SRPK2: variants seen among roughly 807,000 people sequenced by gnomAD.
SRPK2 encodes the protein SFRS protein kinase 2.
Under a neutral mutation model 90.8 loss-of-function variants are expected in SRPK2, and 21 were observed. The ratio of observed to expected loss-of-function variants is 0.23; its 90% confidence interval spans 0.16 to 0.33. The LOEUF is 0.33. Among genes scored for constraint, SRPK2 ranks in the 10% least tolerant of loss-of-function variants. SRPK2 has a pLI of 1.00. For missense variants in SRPK2, 620 were observed against 869.0 expected (o/e 0.71, Z 3.60); for synonymous variants, 288 against 311.1 (o/e 0.93, Z 0.78).
chr7:105,145,818 G>A (rs1005280840), intron 8 of SRPK2, among the ~76,000 whole-genome samples: 8 of 152,166 alleles, frequency 5.3e-5, no homozygotes, highest in African/African-American at 9.7e-5. Flanking sequence ...AACAGGCTGG[G>A]TCCATGATCT....
chr7:105,181,203 A>C (rs1792748448), intron 3 of SRPK2, among the ~76,000 whole-genome samples: 1 of 152,240 alleles, frequency 6.6e-6, no homozygotes, highest in Non-Finnish European at 1.5e-5. Flanking sequence ...GCTACTAAAA[A>C]GTCACAAAAT....
intron 3 of SRPK2, among the ~76,000 whole-genome samples, chr7:105,186,723 T>C (rs1393722601): frequency 1.3e-5 from 2 of 152,144 alleles, no homozygotes; most frequent in Non-Finnish European, 2.9e-5. Context: ...AAAAAGAATA[T>C]AGTGGATGAG....
chr7:105,278,968 T>C (rs998535718), intron 2 of SRPK2, among the ~76,000 whole-genome samples: 1 of 152,170 alleles, frequency 6.6e-6, no homozygotes, highest in African/African-American at 2.4e-5. Context: ...TAAAAATAAG[T>C]ACATATTTTC....
chr7:105,292,184 T>C (rs1563201367), intron 2 of SRPK2, among the ~76,000 whole-genome samples: 2 of 152,188 alleles, frequency 1.3e-5, no homozygotes, highest in South Asian at 2.1e-4. Context: ...ATTTAAGCCA[T>C]CCTAAATTGA....
chr7:105,219,697 A>G (rs1183295740), intron 2 of SRPK2, among the ~76,000 whole-genome samples: 1 of 152,226 alleles, frequency 6.6e-6, no homozygotes, highest in East Asian at 1.9e-4. Flanking sequence ...GTATATGCCT[A>G]ATGCTTGGTA....
intron 14 of SRPK2, 118 bp from the exon 15 acceptor site, chr7:105,126,458 G>A: frequency 1.3e-6 from 1 of 747,954 alleles, no homozygotes; most frequent in Non-Finnish European, 2.2e-6. Context: ...AATCAACAGT[G>A]TCTGCAGCAC....
chr7:105,220,854 T>C (rs1798011862), intron 2 of SRPK2, among the ~76,000 whole-genome samples: 1 of 152,308 alleles, frequency 6.6e-6, no homozygotes, highest in African/African-American at 2.4e-5. Context: ...GTTTAAAATG[T>C]TTTAAAGGTT....
intron 1 of SRPK2, among the ~76,000 whole-genome samples, chr7:105,395,445 G>C (rs1037932066): frequency 6.6e-6 from 1 of 151,548 alleles, no homozygotes; most frequent in Non-Finnish European, 1.5e-5. Flanking sequence ...AGAACTTAAA[G>C]CTGGCTGGGC....
At chr7:105,272,635 C>T (rs1805969852) in intron 2 of SRPK2, among the ~76,000 whole-genome samples, 1 of 152,064 alleles carries the variant, frequency 6.6e-6, no homozygotes, top group Non-Finnish European at 1.5e-5. Context: ...CTCACTGATC[C>T]TTCTGTCTAC....
At chr7:105,144,103 G>C (rs1433577573) in intron 9 of SRPK2, 1 of 152,316 alleles carries the variant, frequency 6.6e-6, no homozygotes, top group Non-Finnish European at 1.5e-5. Flanking sequence ...CTTTGAGACA[G>C]AGTCTCTGTT....
chr7:105,326,196 T>C (rs1241955229), intron 2 of SRPK2, among the ~76,000 whole-genome samples: 1 of 152,172 alleles, frequency 6.6e-6, no homozygotes, highest in Non-Finnish European at 1.5e-5. Flanking sequence ...TCTCCTCTAC[T>C]AAGACCACCT....
rs1799658222 is a variant in SRPK2, at chr7:105,116,684, A to T, written c.*1154T>A. On this transcript the variant is annotated 3_prime_UTR_variant, in exon 16 of 16. Transcript: ENST00000393651. ...ATTAATTTTAAGGAAATGCATAAACAAAACTGTGTGCAACCTGCAAAGGGA... is the reference window on the plus strand; with the variant it reads ...ATTAATTTTAAGGAAATGCATAAACTAAACTGTGTGCAACCTGCAAAGGGA... The T allele has an allele frequency of 6.6e-6, 1 of 152,662 alleles. No individual in the cohort carries two copies. The allele number at this position is 152,662 out of a possible 1,614,324, so 9.5% of individuals were successfully genotyped here.
chr7:105,346,519 G>T (rs1474137511), intron 2 of SRPK2, among the ~76,000 whole-genome samples: 1 of 152,034 alleles, frequency 6.6e-6, no homozygotes, highest in African/African-American at 2.4e-5. Context: ...ACTTTAGGAG[G>T]GCAAGGCGGG....
chr7:105,301,747 T>C lies in SRPK2; in HGVS notation c.71+86901A>G, dbSNP rs1291761894. The C allele has an allele frequency of 1.9e-6, 3 of 1,600,844 alleles. No individual in the cohort carries two copies. In the African/African-American group the frequency reaches 4.0e-5, roughly 21 times the overall value. Reference sequence around the variant, plus strand: ...TTTAACAACACCGTATCATCAGCTGTAAAGCAGAGTATATTAGCCAAGTTA... The same window carrying C: ...TTTAACAACACCGTATCATCAGCTGCAAAGCAGAGTATATTAGCCAAGTTA... On this transcript the variant is annotated intron_variant, in intron 2 of 15. Transcript: ENST00000393651.
intron 2 of SRPK2, among the ~76,000 whole-genome samples, chr7:105,204,012 T>A (rs1795894013): frequency 6.6e-6 from 1 of 152,158 alleles, no homozygotes. Flanking sequence ...GGAATTTTTT[T>A]CTGTAGGTAT....
chr7:105,385,091 C>G (rs936434355), intron 2 of SRPK2, among the ~76,000 whole-genome samples: 31 of 150,420 alleles, frequency 2.1e-4, no homozygotes, highest in Non-Finnish European at 3.8e-4. Flanking sequence ...CCAGGATGGT[C>G]TCGATCTCCT....
At chr7:105,188,366 C>T (rs1297012206) in intron 3 of SRPK2, among the ~76,000 whole-genome samples, 1 of 152,110 alleles carries the variant, frequency 6.6e-6, no homozygotes, top group Non-Finnish European at 1.5e-5. Context: ...AATGGACAGT[C>T]ATTTCTTCTG....
intron 3 of SRPK2, among the ~76,000 whole-genome samples, chr7:105,187,191 A>C (rs1793692627): frequency 6.6e-6 from 1 of 152,076 alleles, no homozygotes; most frequent in East Asian, 1.9e-4. Context: ...GCTATGCAAA[A>C]CCTCCTCCTC....
intron 2 of SRPK2, among the ~76,000 whole-genome samples, chr7:105,261,057 A>G (rs542155478): frequency 6.7e-6 from 1 of 150,252 alleles, no homozygotes; most frequent in South Asian, 2.1e-4. Flanking sequence ...ATGGAGTGCA[A>G]ATGTGACCAA....
Sources: gnomAD v4.1 joint callset for allele counts (sites outside exome capture counted in the v4.1 genomes callset) on GRCh38, gnomAD v4.1.1 for gene constraint, MANE v1.5 for transcripts, NCBI Gene and HGNC (gene_info 2026-07-23, HGNC 2026-07-21) for gene names.